POMGNT1: variants seen among roughly 807,000 people sequenced by gnomAD.
POMGNT1 encodes the protein protein O-linked mannose N-acetylglucosaminyltransferase 1 (beta 1,2-), also known as protein O-linked-mannose beta-1,2-N-acetylglucosaminyltransferase 1.
POMGNT1 carries 67 observed loss-of-function variants against 95.6 expected under a neutral mutation model. That is an observed-to-expected ratio of 0.70 (90% CI 0.58 to 0.86). The LOEUF (loss-of-function observed/expected upper bound fraction) is 0.86, where lower values mean the gene tolerates loss of function less well. Among genes scored for constraint, POMGNT1 ranks in the 40% least tolerant of loss-of-function variants. The pLI, the probability that POMGNT1 is intolerant of heterozygous loss-of-function variation, is 0.00. For synonymous variants in POMGNT1, 298 were observed against 317.9 expected (o/e 0.94, Z 0.66); for missense variants, 719 against 855.2 (o/e 0.84, Z 1.99).
chr1:46,211,252 C>T (rs1658885087), intron 1 of POMGNT1, among the ~76,000 whole-genome samples: 1 of 152,114 alleles, frequency 6.6e-6, no homozygotes, highest in Middle Eastern at 3.2e-3. Context: ...GAGTCAGGAC[C>T]TTCTCTGGAA....
At chr1:46,197,431 A>G in intron 2 of POMGNT1, 3 of 1,491,500 alleles carry the variant, frequency 2.0e-6, no homozygotes, top group Non-Finnish European at 2.7e-6. Context: ...CCTGGCCCTA[A>G]CTGCCTCACA....
intron 1 of POMGNT1, among the ~76,000 whole-genome samples, chr1:46,212,400 C>T (rs1196757220): frequency 2.0e-5 from 3 of 151,710 alleles, no homozygotes; most frequent in African/African-American, 4.8e-5. Context: ...CCTGCCTCAG[C>T]CTCCCCAGCA....
chr1:46,215,083 G>A (rs557292255), intron 1 of POMGNT1, among the ~76,000 whole-genome samples: 124 of 151,908 alleles, frequency 8.2e-4, no homozygotes, highest in African/African-American at 2.8e-3. Flanking sequence ...AAAATTAGCC[G>A]GGTGTGGTGG....
At position 46,196,581 on chromosome 1, in the gene POMGNT1, C is replaced by T; in HGVS notation, c.354+150G>A. On this transcript the variant is annotated intron_variant, in intron 4 of 21. Coordinates refer to ENST00000371984, the MANE Select transcript of POMGNT1 (RefSeq NM_017739.4). The surrounding 1 kb of genome is among the most constrained non-coding windows in gnomAD (Gnocchi z 4.4). Reference sequence around the variant, plus strand: ...CCTGACAAGTAGAAATCATTAGTCCCAGTCTATAGATAAGGAATCGAGGAC... The same window carrying T: ...CCTGACAAGTAGAAATCATTAGTCCTAGTCTATAGATAAGGAATCGAGGAC... The T allele has an allele frequency of 6.8e-7, 1 of 1,470,228 alleles. No individual in the cohort carries two copies. The highest frequency in any genetic ancestry group is 1.2e-5 in the South Asian group (1 of 82,720). The allele number at this position is 1,470,228 out of a possible 1,614,324, so 91.1% of individuals were successfully genotyped here. A position where few individuals can be genotyped will look rare whatever the true frequency, so the allele number is the denominator to read the frequency against.
At chr1:46,197,203 C>T in intron 2 of POMGNT1, 119 bp from the exon 3 acceptor site, 3 of 1,593,456 alleles carry the variant, frequency 1.9e-6, no homozygotes, top group South Asian at 1.1e-5. Context: ...CCTGTCCCTT[C>T]CTCTGTCTGC....
In POMGNT1 at chr1:46,196,001, T is replaced by G. The variant is rs564933024; in HGVS notation, c.420+11A>C. On this transcript the variant is annotated intron_variant, in intron 5 of 21. Transcript: ENST00000371984. The surrounding 1 kb of genome is among the most constrained non-coding windows in gnomAD (Gnocchi z 4.4). ...TCCAGCCCTCTGGGTCACCCACCCC[T>G]AGAAACTCACCGTGGCCTGGTTGAG... is the stretch of plus-strand genomic sequence containing the variant. 27 of 1,613,934 alleles carry G rather than the reference T, an allele frequency of 1.7e-5. No individual in the cohort carries two copies. The highest frequency in any genetic ancestry group is 2.1e-5 in the Non-Finnish European group (25 of 1,180,012).
intron 1 of POMGNT1, among the ~76,000 whole-genome samples, chr1:46,219,203 G>A (rs1320564612): frequency 2.0e-5 from 3 of 151,930 alleles, no homozygotes; most frequent in Non-Finnish European, 4.4e-5. Context: ...ACTGAGGCAG[G>A]AGAATCGCTT....
At position 46,198,394 on chromosome 1, in the gene POMGNT1, C is replaced by A. The variant is rs1260205973; in HGVS notation, c.-109G>T. ...CTAGGGCCCTCACTGCTCGGCCCGG[C>A]TCGCCGCGGCCTCCGCCTCCTCCAT... On this transcript the variant is annotated 5_prime_UTR_variant, in exon 1 of 22. Transcript: ENST00000371984. 1 of 152,034 alleles carries A rather than the reference C, an allele frequency of 6.6e-6. No individual in the cohort carries two copies. The highest frequency in any genetic ancestry group is 2.4e-5 in the African/African-American group (1 of 41,320). 9.4% of individuals were successfully genotyped at this position (152,034 alleles called of 1,614,324 possible).
intron 11 of POMGNT1, 69 bp downstream of exon 11, chr1:46,193,495 G>A (rs1657958824): frequency 1.9e-6 from 3 of 1,613,108 alleles, no homozygotes; most frequent in Non-Finnish European, 2.5e-6. Context: ...GGTCTCCCTT[G>A]CCCGTCCCTG....
intron 20 of POMGNT1, 114 bp from the exon 21 acceptor site, chr1:46,189,681 G>A: frequency 6.5e-7 from 1 of 1,543,712 alleles, no homozygotes; most frequent in Non-Finnish European, 8.8e-7. Context: ...CAATTTGTAA[G>A]AGATAGCATC....
At chr1:46,217,897 G>A (rs987400422) in intron 1 of POMGNT1, among the ~76,000 whole-genome samples, 1 of 152,096 alleles carries the variant, frequency 6.6e-6, no homozygotes, top group Non-Finnish European at 1.5e-5. Context: ...ATCTTATATA[G>A]TGTGGGAAAT....
intron 1 of POMGNT1, chr1:46,203,453 G>T (rs771323153): frequency 6.7e-7 from 1 of 1,499,232 alleles, no homozygotes; most frequent in Admixed American, 2.3e-5. Flanking sequence ...AGTCCCAGAC[G>T]CCTGACCTGC....
chr1:46,195,772 C>T, intron 6 of POMGNT1, 39 bp downstream of exon 6: 1 of 1,537,928 alleles, frequency 6.5e-7, no homozygotes, highest in Non-Finnish European at 8.8e-7. Context: ...AGGGTTGGAG[C>T]TAGGGAGTAG....
chr1:46,200,504 C>A (rs77709076), upstream of POMGNT1, among the ~76,000 whole-genome samples: 38 of 152,368 alleles, frequency 2.5e-4, 1 homozygote, highest in East Asian at 5.0e-3. Context: ...TGTCTGTCTC[C>A]AGTGACCAGT....
intron 6 of POMGNT1, 144 bp from the exon 7 acceptor site, chr1:46,195,105 A>T (rs1283903974): frequency 1.3e-6 from 1 of 771,204 alleles, no homozygotes; most frequent in East Asian, 2.6e-5. Flanking sequence ...TCTCTTTCAC[A>T]GATAAAATAA....
At chr1:46,219,208 T>C (rs1401449920) in intron 1 of POMGNT1, among the ~76,000 whole-genome samples, 2 of 151,456 alleles carry the variant, frequency 1.3e-5, no homozygotes, top group East Asian at 3.9e-4. Flanking sequence ...GGCAGGAGAA[T>C]CGCTTGAACC....
At chr1:46,204,976 G>C (rs1658665028) in intron 1 of POMGNT1, among the ~76,000 whole-genome samples, 1 of 152,210 alleles carries the variant, frequency 6.6e-6, no homozygotes, top group African/African-American at 2.4e-5. Context: ...CTGAGGCACA[G>C]GGTGGGCATG....
At chr1:46,190,937 G>A (rs756986134) in intron 17 of POMGNT1, 153 bp from the exon 18 acceptor site, 5 of 729,746 alleles carry the variant, frequency 6.9e-6, no homozygotes, top group Non-Finnish European at 1.2e-5. Flanking sequence ...CCTCTTTGCA[G>A]CATCCTCAGC....
At chr1:46,211,450 C>CAT (rs1557684780) in intron 1 of POMGNT1, among the ~76,000 whole-genome samples, 2 of 151,166 alleles carry the variant, frequency 1.3e-5, no homozygotes, top group African/African-American at 4.9e-5. Flanking sequence ...CACACACACA[C>CAT]ACACACACAC....
Sources: allele counts gnomAD v4.1 joint callset (sites outside exome capture counted in the v4.1 genomes callset), GRCh38; gene constraint gnomAD v4.1.1; non-coding constraint Gnocchi (gnomAD v3.1); transcripts MANE v1.5; gene names NCBI Gene and HGNC (gene_info 2026-07-23, HGNC 2026-07-21).